Variants in TRIM36 observed in about 807,000 individuals in gnomAD.
TRIM36 encodes the protein E3 ubiquitin-protein ligase TRIM36.
In TRIM36, 42 loss-of-function variants were observed where a neutral mutation model predicts 72.4. The observed-to-expected ratio is 0.58, with a 90% confidence interval of 0.45 to 0.75. The LOEUF is 0.75. Among genes scored for constraint, TRIM36 ranks in the 30% least tolerant of loss-of-function variants. TRIM36 has a pLI of 0.00. For missense variants in TRIM36, 913 were observed against 857.1 expected, an observed-to-expected ratio of 1.07 and a Z score of -0.81; for synonymous variants, 315 against 282.8, an observed-to-expected ratio of 1.11 and a Z score of -1.14.
upstream of TRIM36, among the ~76,000 whole-genome samples, chr5:115,173,397 A>G (rs1036640247): frequency 2.6e-5 from 4 of 152,138 alleles, no homozygotes; most frequent in Non-Finnish European, 5.9e-5. Flanking sequence ...ATGATTTTCC[A>G]TATGTGTAGC....
chr5:115,146,745 A>C (rs1225994356), intron 3 of TRIM36, among the ~76,000 whole-genome samples: 4 of 152,212 alleles, frequency 2.6e-5, no homozygotes, highest in Non-Finnish European at 4.4e-5. Context: ...AAGCTTTTTA[A>C]CTTTAACCAT....
chr5:115,131,165 A>G (rs1752654218), intron 8 of TRIM36, among the ~76,000 whole-genome samples: 1 of 152,202 alleles, frequency 6.6e-6, no homozygotes, highest in Admixed American at 6.5e-5. Flanking sequence ...TGGAATACAG[A>G]TAGCAAATCT....
chr5:115,156,339 A>G (rs1019349838), intron 2 of TRIM36, among the ~76,000 whole-genome samples: 2 of 152,196 alleles, frequency 1.3e-5, no homozygotes, highest in Admixed American at 6.5e-5. Context: ...GAACCAAAAA[A>G]GAGCCCGCAT....
At chr5:115,139,673 T>C (rs993104820) in intron 5 of TRIM36, among the ~76,000 whole-genome samples, 1 of 151,994 alleles carries the variant, frequency 6.6e-6, no homozygotes, top group African/African-American at 2.4e-5. Flanking sequence ...AAATTACAGA[T>C]AAAAAAGACA....
At chr5:115,178,435 C>T (rs1755448154) in intron 1 of TRIM36, among the ~76,000 whole-genome samples, 1 of 152,168 alleles carries the variant, frequency 6.6e-6, no homozygotes, top group Admixed American at 6.5e-5. Flanking sequence ...CTTTAGAGGC[C>T]GTGGTTCTGG....
intron 1 of TRIM36, among the ~76,000 whole-genome samples, chr5:115,174,981 T>C (rs1030808178): frequency 2.7e-4 from 41 of 152,216 alleles, no homozygotes; most frequent in Middle Eastern, 3.4e-3. Context: ...ACAAAACTGG[T>C]AATATTTTGA....
intron 4 of TRIM36, 102 bp from the exon 5 acceptor site, chr5:115,141,476 C>T (rs1753272489): frequency 6.9e-6 from 4 of 578,628 alleles, no homozygotes; most frequent in Non-Finnish European, 1.1e-5. Context: ...CTTCTACAGC[C>T]TCTGATAAAC....
chr5:115,130,883 C>G lies in TRIM36; in HGVS notation c.1505G>C (p.Ser502Thr). ...GCCACATTTTTCATCAAAGAGGAAGCTGAAAACTAAATGGAGCTTAAAATT... is the reference window on the plus strand; with the variant it reads ...GCCACATTTTTCATCAAAGAGGAAGGTGAAAACTAAATGGAGCTTAAAATT... ...ILHTPPAPVF[S>T]FLFDEKCGYN... Residue 502 changes from serine (S) to threonine (T), a missense_variant, in exon 9 of 10, where the codon AGC (serine) becomes ACC (threonine). Ser to Thr is a moderately conservative substitution (Grantham distance 58, BLOSUM62 1). Coordinates refer to ENST00000513154, the MANE Select transcript of TRIM36 (RefSeq NM_001300759.2). 6.2e-7 allele frequency: 1 copy of G among 1,605,412 alleles called. No homozygotes were observed.
At chr5:115,172,566 C>G (rs539599826), upstream of TRIM36, among the ~76,000 whole-genome samples, 17 of 152,104 alleles carry the variant, frequency 1.1e-4, no homozygotes, top group South Asian at 3.1e-3. Flanking sequence ...TGAAACCCCC[C>G]CTTTACTAAA....
chr5:115,156,349 T>C (rs1025883050), intron 2 of TRIM36, among the ~76,000 whole-genome samples: 1 of 151,752 alleles, frequency 6.6e-6, no homozygotes, highest in African/African-American at 2.4e-5. Context: ...AGAGCCCGCA[T>C]AGCCAAAGCA....
At chr5:115,148,134 G>C (rs569953437) in intron 2 of TRIM36, among the ~76,000 whole-genome samples, 1 of 152,156 alleles carries the variant, frequency 6.6e-6, no homozygotes, top group South Asian at 2.1e-4. Flanking sequence ...TTTTAAGAGG[G>C]ACCAACCATT....
chr5:115,145,155 A>C (rs565100187), intron 3 of TRIM36, among the ~76,000 whole-genome samples: 3 of 152,230 alleles, frequency 2.0e-5, no homozygotes, highest in South Asian at 4.1e-4. Context: ...TTTTTAATGA[A>C]GTACCATAAC....
rs1456611803 is a variant in TRIM36 at position 115,147,098 on chromosome 5, C to T, written c.559G>A (p.Val187Ile). ...WGTIKAQHEY[V>I]GPTTNFRPKI... ...GGTCTGAAGTTAGTAGTTGGACCAACATACTCATGTTGAGCTTTTATAGTA... is the reference window on the plus strand; with the variant it reads ...GGTCTGAAGTTAGTAGTTGGACCAATATACTCATGTTGAGCTTTTATAGTA... Residue 187 changes from valine (V) to isoleucine (I), a missense_variant, in exon 3 of 10, where the codon GTT (valine) becomes ATT (isoleucine). Val to Ile is a conservative substitution (Grantham distance 29). Transcript: ENST00000513154. The T allele has an allele frequency of 6.2e-7, 1 of 1,613,860 alleles. No homozygotes were observed. Among genetic ancestry groups the T allele is most frequent in the East Asian group, 2.2e-5 (1 of 44,896 alleles).
intron 5 of TRIM36, among the ~76,000 whole-genome samples, chr5:115,140,365 C>A (rs957916030): frequency 6.6e-6 from 1 of 152,184 alleles, no homozygotes; most frequent in Non-Finnish European, 1.5e-5. Flanking sequence ...ACAACCCAAT[C>A]CAATCCCCTT....
intron 7 of TRIM36, 138 bp from the exon 8 acceptor site, chr5:115,134,285 T>C (rs1413951692): frequency 3.8e-6 from 2 of 533,132 alleles, no homozygotes; most frequent in Admixed American, 4.5e-5. Flanking sequence ...ATACTATATA[T>C]AGAAAGCACA....
intron 1 of TRIM36, chr5:115,177,596 G>T: frequency 6.8e-7 from 1 of 1,460,560 alleles, no homozygotes; most frequent in Non-Finnish European, 9.0e-7. Context: ...CACAAAACAG[G>T]GGTCTTAAAT....
At chr5:115,173,294 T>G (rs989229834), upstream of TRIM36, among the ~76,000 whole-genome samples, 4 of 152,202 alleles carry the variant, frequency 2.6e-5, no homozygotes, top group African/African-American at 9.7e-5. Flanking sequence ...ATTCTGTTCT[T>G]TCTCATCCTC....
At chr5:115,177,941 G>T in intron 1 of TRIM36, 1 of 1,551,080 alleles carries the variant, frequency 6.4e-7, no homozygotes, top group Non-Finnish European at 8.9e-7. Flanking sequence ...AAGTTAGTTT[G>T]TGTTTTTTCA....
upstream of TRIM36, among the ~76,000 whole-genome samples, chr5:115,172,963 CT>C (rs1372910284): frequency 6.6e-6 from 1 of 152,132 alleles, no homozygotes; most frequent in Non-Finnish European, 1.5e-5. Flanking sequence ...AGTTCTAAAA[CT>C]TTTTAAGGTT....
Sources: allele counts gnomAD v4.1 joint callset (sites outside exome capture counted in the v4.1 genomes callset), GRCh38; gene constraint gnomAD v4.1.1; transcripts MANE v1.5; gene names NCBI Gene and HGNC (gene_info 2026-07-23, HGNC 2026-07-21).